The following ANGPT1 variants were observed in gnomAD, a reference collection of about 807,000 sequenced individuals.
ANGPT1 encodes angiopoietin 1.
Under a neutral mutation model 62.2 loss-of-function variants are expected in ANGPT1, and 17 were observed. The ratio of observed to expected loss-of-function variants is 0.27; its 90% confidence interval spans 0.19 to 0.41. The LOEUF (loss-of-function observed/expected upper bound fraction) is 0.41, where lower values mean the gene tolerates loss of function less well. Among genes scored for constraint, ANGPT1 ranks in the 10% least tolerant of loss-of-function variants. The probability of loss-of-function intolerance (pLI) is 1.00; values close to 1 mark genes in which losing one functional copy is unlikely to be tolerated. For missense variants in ANGPT1, 478 were observed against 594.9 expected (o/e 0.80, Z 2.04); for synonymous variants, 199 against 198.9 (o/e 1.00, Z 0.00).
intron 1 of ANGPT1, among the ~76,000 whole-genome samples, chr8:107,350,718 A>G (rs1260354781): frequency 6.6e-6 from 1 of 152,056 alleles, no homozygotes; most frequent in African/African-American, 2.4e-5. Flanking sequence ...TTTTAATCAA[A>G]TGGGGCTGCT....
chr8:107,252,836 T>C (rs377138086), intron 8 of ANGPT1, among the ~76,000 whole-genome samples: 1 of 152,218 alleles, frequency 6.6e-6, no homozygotes, highest in African/African-American at 2.4e-5. Flanking sequence ...ATAGTGTTTT[T>C]TCCTGTCTGC....
intron 1 of ANGPT1, among the ~76,000 whole-genome samples, chr8:107,465,122 G>A (rs1190644763): frequency 6.6e-6 from 1 of 152,072 alleles, no homozygotes; most frequent in African/African-American, 2.4e-5. Flanking sequence ...ATTCAGACAG[G>A]CTCAGTGGGG....
At chr8:107,367,838 C>T (rs562649897) in intron 1 of ANGPT1, among the ~76,000 whole-genome samples, 8 of 152,214 alleles carry the variant, frequency 5.3e-5, no homozygotes, top group Non-Finnish European at 1.0e-4. Flanking sequence ...GTCACAACTT[C>T]AAGCTCCACT....
At chr8:107,374,189 A>G (rs1477352246) in intron 1 of ANGPT1, among the ~76,000 whole-genome samples, 3 of 152,156 alleles carry the variant, frequency 2.0e-5, no homozygotes, top group African/African-American at 7.2e-5. Flanking sequence ...GGTTATTTCC[A>G]TCTTAAAAGT....
chr8:107,462,854 G>A (rs1426948045), intron 1 of ANGPT1, among the ~76,000 whole-genome samples: 1 of 152,012 alleles, frequency 6.6e-6, no homozygotes, highest in Non-Finnish European at 1.5e-5. Context: ...TTATAAAGAG[G>A]GAGGAAAGCA....
intron 5 of ANGPT1, among the ~76,000 whole-genome samples, chr8:107,295,901 C>T (rs894477995): frequency 1.3e-5 from 2 of 152,012 alleles, no homozygotes; most frequent in African/African-American, 4.8e-5. Flanking sequence ...CTAATTTATT[C>T]TCATGATAGT....
chr8:107,278,749 C>G (rs1387479988), intron 7 of ANGPT1, among the ~76,000 whole-genome samples: 3 of 152,170 alleles, frequency 2.0e-5, no homozygotes, highest in Non-Finnish European at 4.4e-5. Context: ...GGCAACAGCT[C>G]CAGACCCACC....
intron 4 of ANGPT1, among the ~76,000 whole-genome samples, chr8:107,316,588 T>A (rs866291481): frequency 1.3e-5 from 2 of 152,224 alleles, no homozygotes; most frequent in Admixed American, 6.5e-5. Context: ...CAGTATATTT[T>A]TCCTACATTG....
chr8:107,455,143 A>G (rs1042876171), intron 1 of ANGPT1, among the ~76,000 whole-genome samples: 1 of 152,088 alleles, frequency 6.6e-6, no homozygotes, highest in Non-Finnish European at 1.5e-5. Context: ...GATAGCAGGA[A>G]GAGTGTAAGG....
intron 1 of ANGPT1, among the ~76,000 whole-genome samples, chr8:107,355,651 A>T (rs1264076739): frequency 6.6e-6 from 1 of 152,052 alleles, no homozygotes; most frequent in Non-Finnish European, 1.5e-5. Flanking sequence ...TCCAACTGGA[A>T]TGCTTCTTTT....
chr8:107,254,319 C>T (rs974211647), intron 8 of ANGPT1, among the ~76,000 whole-genome samples: 3 of 151,928 alleles, frequency 2.0e-5, no homozygotes, highest in Non-Finnish European at 4.4e-5. Flanking sequence ...TTACACAATA[C>T]TCAAGACAGA....
chr8:107,264,275 T>C lies in ANGPT1; in HGVS notation c.1282A>G (p.Lys428Glu), dbSNP rs760165729. 4 of 1,614,016 alleles carry C rather than the reference T, an allele frequency of 2.5e-6. No individual in the cohort carries two copies. The South Asian group carries it at 4.4e-5, about 18-fold the overall frequency. The change falls in exon 8 of 9, where the codon AAA becomes GAA. Residue 428 changes from lysine (K) to glutamate (E), a missense_variant. Coordinates refer to ENST00000517746, the MANE Select transcript of ANGPT1 (RefSeq NM_001146.5). ...LILHGADFSTKDADNDNCMCK... is the reference protein window; with the variant it reads ...LILHGADFSTEDADNDNCMCK... ...ATACAGTTGTCATTATCAGCATCTT[T>C]AGTGCTGAAATCAGCACCGTGTAAG...
At chr8:107,492,327 T>C (rs1812980481) in intron 1 of ANGPT1, among the ~76,000 whole-genome samples, 1 of 152,184 alleles carries the variant, frequency 6.6e-6, no homozygotes, top group Admixed American at 6.5e-5. Context: ...AAAATCATAC[T>C]TACTAAATAT....
intron 1 of ANGPT1, among the ~76,000 whole-genome samples, chr8:107,486,158 G>C (rs1489979499): frequency 6.6e-6 from 1 of 152,174 alleles, no homozygotes; most frequent in Non-Finnish European, 1.5e-5. Context: ...AAAGAATTAA[G>C]GGTTTAGACA....
intron 1 of ANGPT1, among the ~76,000 whole-genome samples, chr8:107,403,141 C>T (rs762730519): frequency 5.3e-5 from 8 of 152,092 alleles, no homozygotes; most frequent in Non-Finnish European, 2.9e-5. Flanking sequence ...ATTGTTAAAA[C>T]TCTGTTATGA....
chr8:107,297,524 A>T lies in ANGPT1; in HGVS notation c.937-3487T>A, dbSNP rs1447975297. ...GCTACGCATTATACACTCTATGTATATAATGTAATATTTAATATGTATATA... is the reference window on the plus strand; with the variant it reads ...GCTACGCATTATACACTCTATGTATTTAATGTAATATTTAATATGTATATA... On this transcript the variant is annotated intron_variant, in intron 5 of 8. Transcript: ENST00000517746. 2.7e-5 allele frequency among the ~76,000 whole-genome samples: 4 copies of T among 150,346 alleles called. No individual in the cohort carries two copies. In the Admixed American group the frequency reaches 2.7e-4, roughly 10 times the overall value.
intron 3 of ANGPT1, among the ~76,000 whole-genome samples, chr8:107,333,004 A>G (rs1235808330): frequency 8.5e-5 from 13 of 152,206 alleles, no homozygotes; most frequent in Non-Finnish European, 1.9e-4. Context: ...CTCCACTTAA[A>G]TAGGAGGAGC....
chr8:107,435,295 T>G (rs186084393), intron 1 of ANGPT1, among the ~76,000 whole-genome samples: 1 of 152,348 alleles, frequency 6.6e-6, no homozygotes, highest in East Asian at 1.9e-4. Flanking sequence ...ATTATTAGTG[T>G]GCATGTGTGA....
chr8:107,333,770 A>G (rs1444532213), intron 3 of ANGPT1, among the ~76,000 whole-genome samples: 1 of 151,912 alleles, frequency 6.6e-6, no homozygotes, highest in Non-Finnish European at 1.5e-5. Context: ...ACAACTTTAA[A>G]GCAGTTTGCC....
Sources: gnomAD v4.1 joint callset for allele counts (sites outside exome capture counted in the v4.1 genomes callset) on GRCh38, gnomAD v4.1.1 for gene constraint, MANE v1.5 for transcripts, NCBI Gene and HGNC (gene_info 2026-07-23, HGNC 2026-07-21) for gene names.